TRPS1: variants seen among roughly 807,000 people sequenced by gnomAD.
TRPS1 encodes transcriptional repressor GATA binding 1.
In TRPS1, 6 loss-of-function variants were observed where a neutral mutation model predicts 101.2. The ratio of observed to expected loss-of-function variants is 0.06; its 90% CI spans 0.03 to 0.12. The LOEUF is 0.12. Among genes scored for constraint, TRPS1 ranks in the 10% least tolerant of loss-of-function variants. The probability of loss-of-function intolerance (pLI) is 1.00; values close to 1 mark genes in which losing one functional copy is unlikely to be tolerated. For missense variants in TRPS1, 1,363 were observed against 1,567.0 expected, an observed-to-expected ratio of 0.87 and a Z score of 2.20; for synonymous variants, 578 against 589.8, an observed-to-expected ratio of 0.98 and a Z score of 0.29.
In TRPS1 at chr8:115,411,270, A is replaced by G. The variant is rs759605644; in HGVS notation, c.*2753T>C. 2 of 152,382 alleles carry G rather than the reference A, an allele frequency of 1.3e-5. No homozygotes were observed. The highest frequency in any genetic ancestry group is 3.4e-3 in the Middle Eastern group (1 of 294). The allele number at this position is 152,382 out of a possible 1,614,324, so 9.4% of individuals were successfully genotyped here. ...TTTTCCAATGCTAGTCGTTACTACT[A>G]TGTCTGTCTGAGAAAAAAAAAAAAT... On this transcript the variant is annotated 3_prime_UTR_variant, in exon 7 of 7. Coordinates refer to ENST00000395715, the MANE Select transcript of TRPS1 (RefSeq NM_014112.5).
chr8:115,548,551 C>T (rs1462932544), intron 5 of TRPS1, among the ~76,000 whole-genome samples: 1 of 152,040 alleles, frequency 6.6e-6, no homozygotes, highest in East Asian at 1.9e-4. Flanking sequence ...TCCCAAAGTG[C>T]TGGAATTACA....
rs1323400542 is a variant in TRPS1 at position 115,619,648 on chromosome 8, T to C, written c.450A>G (p.Gln150=). The C allele has an allele frequency of 1.9e-6, 3 of 1,614,088 alleles. No homozygotes were observed. The highest frequency in any genetic ancestry group is 2.7e-5 in the African/African-American group (2 of 74,932). ...SPQRAEADDP[Q]DMACTPSGDS... is the part of the protein sequence containing the mutation. The stretch of plus-strand genomic sequence containing the variant: ...CCCCTGAGGGGGTGCAGGCCATATC[T>C]TGAGGGTCATCTGCCTCTGCTCTTT... Residue 150 remains glutamine (Q), a synonymous_variant, in exon 3 of 7, where the codon CAA becomes CAG. Coordinates refer to ENST00000395715, the MANE Select transcript of TRPS1 (RefSeq NM_014112.5).
At chr8:115,512,404 T>C (rs931817022) in intron 5 of TRPS1, among the ~76,000 whole-genome samples, 1 of 151,668 alleles carries the variant, frequency 6.6e-6, no homozygotes, top group Non-Finnish European at 1.5e-5. Context: ...ATGAACATAA[T>C]TTAAAATGGA....
rs1812876498 is a variant in TRPS1 at position 115,414,856 on chromosome 8, C to T, written c.3052G>A (p.Glu1018Lys). Residue 1018 changes from glutamate to lysine, a missense_variant, in exon 7 of 7, where the codon GAA becomes AAA. Glu to Lys is a moderately conservative substitution (Grantham distance 56). Around this residue, in one of 5 missense-constraint regions of TRPS1, gnomAD observed 307 missense variants for 392.4 expected, o/e 0.78. Transcript: ENST00000395715. This position sits in a 1 kb window ranked among gnomAD's most constrained non-coding sequence, Gnocchi z 4.8. ...CTTTTAGTCAATGAACCCTGGGCTT[C>T]GTATTTACTTAGGCTGGGGAGTGGA... The part of the protein sequence containing the change: ...EIPLPSLSKY[E>K]AQGSLTKSHS... 4 of 1,613,862 alleles carry T rather than the reference C, an allele frequency of 2.5e-6. No individual in the cohort carries two copies. The highest frequency in any genetic ancestry group is 2.5e-6 in the Non-Finnish European group (3 of 1,179,902).
chr8:115,604,025 A>G lies in TRPS1; in HGVS notation c.1944T>C (p.Ser648=), dbSNP rs1161042650. The stretch of plus-strand genomic sequence containing the variant: ...CATCCGATGCTTGGGACTCATGCAC[A>G]CTTTCATAGTGAAAGAGGAGTACAT... ...DVDVLLFHYE[S]VHESQASDVK... is the part of the protein sequence containing the mutation. The change falls in exon 4 of 7, where the codon AGT becomes AGC. Residue 648 remains serine (S), a synonymous_variant. Coordinates refer to ENST00000395715, the MANE Select transcript of TRPS1 (RefSeq NM_014112.5). The surrounding 1 kb of genome is among the most constrained non-coding windows in gnomAD (Gnocchi z 4.1). The G allele has an allele frequency of 6.2e-7, 1 of 1,613,970 alleles. No individual in the cohort carries two copies. Among genetic ancestry groups the G allele is most frequent in the Non-Finnish European group, 8.5e-7 (1 of 1,179,974 alleles).
At chr8:115,419,395 G>GCCTGA (rs1812998810) in intron 5 of TRPS1, among the ~76,000 whole-genome samples, 1 of 149,494 alleles carries the variant, frequency 6.7e-6, no homozygotes, top group Non-Finnish European at 1.5e-5. Context: ...GAAAAAAAAA[G>GCCTGA]ACAGCCTGAA....
rs1817598182 is a variant in TRPS1, at chr8:115,587,704, A to G, written c.2097-100T>C. ...CCTGAATTTTCTACCTACTCATGCA[A>G]TATAGTAGGTAGAAAGAAATGCAAT... is the stretch of plus-strand genomic sequence containing the variant. On this transcript the variant is annotated intron_variant, in intron 4 of 6. Transcript: ENST00000395715. 19 of 1,575,104 alleles carry G rather than the reference A, an allele frequency of 1.2e-5. 1 individual carries two copies. Among genetic ancestry groups the G allele is most frequent in the Middle Eastern group, 4.5e-4 (2 of 4,404 alleles).
intron 5 of TRPS1, among the ~76,000 whole-genome samples, chr8:115,488,535 C>T (rs1485331234): frequency 1.3e-5 from 2 of 152,006 alleles, no homozygotes; most frequent in South Asian, 2.1e-4. Flanking sequence ...ATTAGCTGGG[C>T]GTGGTGATGT....
rs186710857 is a variant in TRPS1 at position 115,433,131 on chromosome 8, G to A, written c.2701-14679C>T. ...AAAGTTTGTTAATATAAAGAGGTAC[G>A]ATTATTCAAATGGGAAAGCAATCGG... On this transcript the variant is annotated intron_variant, in intron 5 of 6. Coordinates refer to ENST00000395715, the MANE Select transcript of TRPS1 (RefSeq NM_014112.5). Among the ~76,000 whole-genome samples, 371 of 152,032 alleles carry A rather than the reference G, an allele frequency of 2.4e-3. 4 individuals carry two copies. Among genetic ancestry groups the A allele is most frequent in the African/African-American group, 8.2e-3 (340 of 41,520 alleles).
chr8:115,566,681 G>A (rs1817075175), intron 5 of TRPS1, among the ~76,000 whole-genome samples: 1 of 152,024 alleles, frequency 6.6e-6, no homozygotes, highest in Non-Finnish European at 1.5e-5. Flanking sequence ...TCTTCACTAA[G>A]TAATGGCAAC....
chr8:115,629,225 A>G (rs1818582816), intron 1 of TRPS1, among the ~76,000 whole-genome samples: 1 of 151,896 alleles, frequency 6.6e-6, no homozygotes. Flanking sequence ...TTTGTTATGA[A>G]GAGGGCTGTT....
At chr8:115,632,010 G>A (rs1020830637) in intron 1 of TRPS1, among the ~76,000 whole-genome samples, 4 of 152,078 alleles carry the variant, frequency 2.6e-5, no homozygotes, top group Non-Finnish European at 5.9e-5. Context: ...ATAAATGTCT[G>A]TGTAACTTTA....
chr8:115,648,621 G>A (rs1371045644), intron 1 of TRPS1, among the ~76,000 whole-genome samples: 2 of 152,162 alleles, frequency 1.3e-5, no homozygotes, highest in East Asian at 3.9e-4. Context: ...TTCCTGATCT[G>A]CAGTTCTGAT....
chr8:115,450,624 G>A (rs1813846043), intron 5 of TRPS1, among the ~76,000 whole-genome samples: 1 of 151,916 alleles, frequency 6.6e-6, no homozygotes, highest in East Asian at 1.9e-4. Flanking sequence ...GGCCTGGGAA[G>A]GTCTGCGTCA....
chr8:115,459,120 G>A lies in TRPS1; in HGVS notation c.2701-40668C>T, dbSNP rs542487931. On this transcript the variant is annotated intron_variant, in intron 5 of 6. Coordinates refer to ENST00000395715, the MANE Select transcript of TRPS1 (RefSeq NM_014112.5). ...TGGGAGGCCAAGGCAGGCAGATCACGAGGTCAGGAGATCAAGACCATCCTG... is the reference window on the plus strand; with the variant it reads ...TGGGAGGCCAAGGCAGGCAGATCACAAGGTCAGGAGATCAAGACCATCCTG... Among the ~76,000 whole-genome samples the A allele has an allele frequency of 1.4e-4, 22 of 152,176 alleles. 1 individual carries two copies. In the South Asian group the frequency reaches 1.5e-3, roughly 10 times the overall value.
chr8:115,451,363 G>C (rs1813868751), intron 5 of TRPS1, among the ~76,000 whole-genome samples: 1 of 150,810 alleles, frequency 6.6e-6, no homozygotes, highest in Non-Finnish European at 1.5e-5. Flanking sequence ...ACCAGACATT[G>C]TGCTAGGTTC....
At chr8:115,534,052 C>G (rs1336703189) in intron 5 of TRPS1, among the ~76,000 whole-genome samples, 2 of 152,022 alleles carry the variant, frequency 1.3e-5, no homozygotes, top group Non-Finnish European at 2.9e-5. Context: ...ACCACCACCA[C>G]TGGGGATTGA....
chr8:115,606,590 A>G (rs545973522), intron 3 of TRPS1, among the ~76,000 whole-genome samples: 1 of 152,268 alleles, frequency 6.6e-6, no homozygotes, highest in South Asian at 2.1e-4. Context: ...GCACCCTTCC[A>G]GGCAGCAACC....
At chr8:115,547,079 C>G (rs558217637) in intron 5 of TRPS1, among the ~76,000 whole-genome samples, 3 of 152,222 alleles carry the variant, frequency 2.0e-5, no homozygotes, top group East Asian at 3.9e-4. Context: ...GGGATGTTTA[C>G]TTAATTTTAC....
Sources: allele counts gnomAD v4.1 joint callset (sites outside exome capture counted in the v4.1 genomes callset), GRCh38; gene constraint gnomAD v4.1.1; regional missense constraint gnomAD v4.1.1; non-coding constraint Gnocchi (gnomAD v3.1); transcripts MANE v1.5; gene names NCBI Gene and HGNC (gene_info 2026-07-23, HGNC 2026-07-21).